The following HMGB1 variants were observed in gnomAD, a reference collection of about 807,000 sequenced individuals.
HMGB1 encodes the protein high mobility group protein B1.
For missense variants in HMGB1, 79 were observed against 253.5 expected, an observed-to-expected ratio of 0.31 and a Z score of 4.67; for synonymous variants, 81 against 84.0, an observed-to-expected ratio of 0.96 and a Z score of 0.19.
intron 1 of HMGB1, among the ~76,000 whole-genome samples, chr13:30,485,922 A>G (rs186800678): frequency 1.2e-4 from 18 of 152,292 alleles, no homozygotes; most frequent in African/African-American, 4.3e-4. Context: ...AAGAAATTGG[A>G]TCTAGAGAAA....
intron 1 of HMGB1, among the ~76,000 whole-genome samples, chr13:30,583,699 C>A (rs1423302432): frequency 6.6e-6 from 1 of 151,382 alleles, no homozygotes; most frequent in Non-Finnish European, 1.5e-5. Context: ...ATTAGCTGGG[C>A]ATGGTGGCAT....
At chr13:30,463,474 T>A (rs761420045) in intron 2 of HMGB1, 57 bp downstream of exon 2, 35 of 1,561,792 alleles carry the variant, frequency 2.2e-5, no homozygotes, top group Non-Finnish European at 3.0e-5. Context: ...TTTTTTTGCA[T>A]CCTCAATTGG....
intron 1 of HMGB1, among the ~76,000 whole-genome samples, chr13:30,589,007 C>CTTTTTTTTTTTTTTTTTT (rs1292576513): frequency 3.5e-5 from 5 of 141,718 alleles, no homozygotes; most frequent in African/African-American, 7.7e-5. Context: ...TAGTTTACCA[C>CTTTTTTTTTTTTTTTTTT]TTTTTTTTTT....
chr13:30,575,281 G>A lies in HMGB1; in HGVS notation c.-15+41390C>T, dbSNP rs1014478700. On this transcript the variant is annotated intron_variant, in intron 1 of 4. Coordinates refer to the HMGB1 transcript ENST00000405805. Reference sequence around the variant, plus strand: ...AATTTGAAAGTGAGAAATACAGCTCGAAGTCAGCTCATATTTTCAGTAAGT... The same window carrying A: ...AATTTGAAAGTGAGAAATACAGCTCAAAGTCAGCTCATATTTTCAGTAAGT... Among the ~76,000 whole-genome samples the A allele has an allele frequency of 4.6e-5, 7 of 152,268 alleles. No homozygotes were observed. In the East Asian group the frequency reaches 5.8e-4, roughly 13 times the overall value.
intron 1 of HMGB1, among the ~76,000 whole-genome samples, chr13:30,510,330 C>T (rs1276210123): frequency 6.6e-6 from 1 of 152,210 alleles, no homozygotes; most frequent in Admixed American, 6.5e-5. Context: ...GCTGTTTCTA[C>T]ATCATAAATC....
intron 1 of HMGB1, among the ~76,000 whole-genome samples, chr13:30,535,795 C>T (rs559241616): frequency 4.7e-4 from 72 of 152,316 alleles, no homozygotes; most frequent in African/African-American, 1.5e-3. Context: ...GAGGCTGAGG[C>T]AGGAGAATCA....
intron 1 of HMGB1, among the ~76,000 whole-genome samples, chr13:30,611,726 T>C (rs578248867): frequency 1.3e-5 from 2 of 152,286 alleles, no homozygotes; most frequent in South Asian, 4.1e-4. Flanking sequence ...TTCACTGTTG[T>C]ATTCTCCCTG....
intron 1 of HMGB1, among the ~76,000 whole-genome samples, chr13:30,489,132 T>C (rs936306002): frequency 1.3e-5 from 2 of 152,176 alleles, no homozygotes; most frequent in African/African-American, 4.8e-5. Flanking sequence ...GATTTGACAC[T>C]CTTTCTTCAG....
At chr13:30,466,092 T>A, upstream of HMGB1, 1 of 270,048 alleles carries the variant, frequency 3.7e-6, no homozygotes, top group Non-Finnish European at 5.7e-6. Flanking sequence ...AATCTGAATG[T>A]GTGTGTATGC....
chr13:30,589,187 T>A (rs1044538451), intron 1 of HMGB1, among the ~76,000 whole-genome samples: 3 of 151,916 alleles, frequency 2.0e-5, no homozygotes, highest in African/African-American at 7.2e-5. Flanking sequence ...GTATTTTTAG[T>A]AGAGATGGGG....
At chr13:30,483,301 G>A (rs781470352) in intron 1 of HMGB1, among the ~76,000 whole-genome samples, 2 of 151,902 alleles carry the variant, frequency 1.3e-5, no homozygotes, top group South Asian at 2.1e-4. Flanking sequence ...ACTTCCTCTG[G>A]GGGTCCTCTC....
chr13:30,467,410 A>G (rs760982734), upstream of HMGB1, among the ~76,000 whole-genome samples: 4 of 152,212 alleles, frequency 2.6e-5, no homozygotes, highest in Admixed American at 1.3e-4. Flanking sequence ...AGCTTAGATA[A>G]TCTTTCCTGT....
rs576947370 is a variant in HMGB1 at position 30,554,399 on chromosome 13, A to G, written c.-15+62272T>C. 10 of 826,716 alleles carry G rather than the reference A, an allele frequency of 1.2e-5. No homozygotes were observed. In the African/African-American group the frequency reaches 1.3e-4, roughly 11 times the overall value. The allele number at this position is 826,716 out of a possible 1,614,324, so 51.2% of individuals were successfully genotyped here. On this transcript the variant is annotated intron_variant, in intron 1 of 4. Transcript: ENST00000405805. Reference sequence around the variant, plus strand: ...GATGGGAAAAGGAGATTATATTAACATTAAACAAGTGTTATTGAACATGAG... The same window carrying G: ...GATGGGAAAAGGAGATTATATTAACGTTAAACAAGTGTTATTGAACATGAG...
chr13:30,546,043 T>G (rs998025253), intron 1 of HMGB1, among the ~76,000 whole-genome samples: 10 of 152,200 alleles, frequency 6.6e-5, no homozygotes, highest in African/African-American at 2.4e-4. Flanking sequence ...CACTAGTTGT[T>G]GGACAATGCA....
In HMGB1 at chr13:30,461,174, G is replaced by C. The variant is rs1327356130; in HGVS notation, c.*183C>G. The C allele has an allele frequency of 7.5e-7, 1 of 1,325,266 alleles. No homozygotes were observed. The highest frequency in any genetic ancestry group is 9.8e-7 in the Non-Finnish European group (1 of 1,016,660). The allele number at this position is 1,325,266 out of a possible 1,614,324, so 82.1% of individuals were successfully genotyped here. On this transcript the variant is annotated 3_prime_UTR_variant, in exon 5 of 5. Coordinates refer to ENST00000341423, the MANE Select transcript of HMGB1 (RefSeq NM_002128.7). ...TTAGTGGCTATTGAAAATACCACCA[G>C]GACAGGGCTATCTAAAGACACATTC...
chr13:30,476,734 C>T (rs890573351), intron 1 of HMGB1, among the ~76,000 whole-genome samples: 1 of 151,798 alleles, frequency 6.6e-6, no homozygotes, highest in African/African-American at 2.4e-5. Context: ...AGTGTGGTGG[C>T]GTGTGCCTGT....
chr13:30,562,649 A>G (rs1335159698), intron 1 of HMGB1, among the ~76,000 whole-genome samples: 1 of 152,220 alleles, frequency 6.6e-6, no homozygotes, highest in Non-Finnish European at 1.5e-5. Flanking sequence ...AAGCAGTTCC[A>G]CACCAGTGAC....
chr13:30,534,035 T>G lies in HMGB1; in HGVS notation c.-14-70341A>C, dbSNP rs1217861016. On this transcript the variant is annotated intron_variant, in intron 1 of 4. Transcript: ENST00000405805. ...ATGCACCACCACACCCGGCTAATTT[T>G]GTATTTTTAGTGGAGACAGGGTTTC... is the stretch of plus-strand genomic sequence containing the variant. 2.6e-5 allele frequency among the ~76,000 whole-genome samples: 4 copies of G among 152,124 alleles called. No homozygotes were observed. The South Asian group carries it at 8.3e-4, about 32-fold the overall frequency.
chr13:30,491,742 G>A (rs1341265138), intron 1 of HMGB1, among the ~76,000 whole-genome samples: 2 of 151,780 alleles, frequency 1.3e-5, no homozygotes, highest in Admixed American at 6.6e-5. Flanking sequence ...AAATGAATGC[G>A]AGACCTAAGG....
Sources: gnomAD v4.1 joint callset for allele counts (sites outside exome capture counted in the v4.1 genomes callset) on GRCh38, gnomAD v4.1.1 for gene constraint, MANE v1.5 for transcripts, NCBI Gene and HGNC (gene_info 2026-07-23, HGNC 2026-07-21) for gene names.